CEP128: variants seen among roughly 807,000 people sequenced by gnomAD.
CEP128 encodes centrosomal protein 128kDa.
CEP128 carries 132 observed loss-of-function variants against 156.7 expected under a neutral mutation model. That is an observed-to-expected ratio of 0.84 (90% confidence interval 0.73 to 0.97). The LOEUF (loss-of-function observed/expected upper bound fraction) is 0.97. CEP128 is among the 50% of genes least tolerant of loss of function. The pLI is 0.00. For synonymous variants in CEP128, 469 were observed against 448.9 expected (o/e 1.04, Z -0.57); for missense variants, 1,252 against 1,281.9 (o/e 0.98, Z 0.36).
At chr14:80,775,273 G>A (rs1198119386) in intron 16 of CEP128, among the ~76,000 whole-genome samples, 1 of 152,088 alleles carries the variant, frequency 6.6e-6, no homozygotes, top group African/African-American at 2.4e-5. Context: ...AAAGTTTTAC[G>A]CATAATCATT....
At chr14:80,618,289 A>G (rs1469048020) in intron 19 of CEP128, among the ~76,000 whole-genome samples, 5 of 152,234 alleles carry the variant, frequency 3.3e-5, no homozygotes, top group African/African-American at 9.6e-5. Flanking sequence ...CTATTATAAC[A>G]TAAAGAAAAC....
At chr14:80,943,674 CA>C (rs1218085027), upstream of CEP128, among the ~76,000 whole-genome samples, 1 of 152,148 alleles carries the variant, frequency 6.6e-6, no homozygotes, top group East Asian at 1.9e-4. Context: ...TGCTCTCAGT[CA>C]ACAGACGTGG....
chr14:80,710,006 C>T (rs1179654746), intron 19 of CEP128, among the ~76,000 whole-genome samples: 1 of 147,120 alleles, frequency 6.8e-6, no homozygotes, highest in Non-Finnish European at 1.5e-5. Context: ...AAAAAAAAAG[C>T]CAGCACAACA....
chr14:80,886,192 T>C (rs1411436077), intron 8 of CEP128, among the ~76,000 whole-genome samples: 3 of 152,090 alleles, frequency 2.0e-5, no homozygotes, highest in Non-Finnish European at 4.4e-5. Flanking sequence ...TGAAACCAAG[T>C]TGGGAAACAC....
chr14:80,552,246 T>G (rs1231581429), intron 21 of CEP128, among the ~76,000 whole-genome samples: 1 of 151,472 alleles, frequency 6.6e-6, no homozygotes, highest in Non-Finnish European at 1.5e-5. Flanking sequence ...GAGATGGAGG[T>G]TGCAGTGAGC....
chr14:80,769,582 G>T (rs188118252), intron 16 of CEP128, among the ~76,000 whole-genome samples: 1 of 152,098 alleles, frequency 6.6e-6, no homozygotes, highest in African/African-American at 2.4e-5. Flanking sequence ...CAAAGGACAT[G>T]AACTCATCCT....
chr14:80,948,969 A>G (rs1468465151), intron 2 of CEP128, among the ~76,000 whole-genome samples: 4 of 152,192 alleles, frequency 2.6e-5, no homozygotes, highest in African/African-American at 9.7e-5. Flanking sequence ...CCTACATTAT[A>G]ATTGCCACTA....
chr14:80,623,372 A>G (rs922559791), intron 19 of CEP128, among the ~76,000 whole-genome samples: 2 of 151,556 alleles, frequency 1.3e-5, no homozygotes, highest in Non-Finnish European at 2.9e-5. Context: ...TGACGAGTTA[A>G]TGGGTGCAGC....
chr14:80,494,103 T>C (rs1344058661), downstream of CEP128, among the ~76,000 whole-genome samples: 2 of 152,234 alleles, frequency 1.3e-5, no homozygotes, highest in African/African-American at 4.8e-5. Context: ...TAAGTTGATA[T>C]GTTTCTATTG....
intron 19 of CEP128, among the ~76,000 whole-genome samples, chr14:80,734,971 T>C (rs1898459748): frequency 6.6e-6 from 1 of 152,088 alleles, no homozygotes; most frequent in Admixed American, 6.5e-5. Flanking sequence ...CCCAAGCAGT[T>C]TCTGTGTTCC....
At chr14:80,613,494 A>G (rs1282473944) in intron 19 of CEP128, among the ~76,000 whole-genome samples, 2 of 149,842 alleles carry the variant, frequency 1.3e-5, no homozygotes, top group African/African-American at 4.9e-5. Flanking sequence ...TATTTATGGT[A>G]GAGACGGGGT....
chr14:80,526,802 C>T, intron 23 of CEP128, 67 bp downstream of exon 23: 1 of 817,226 alleles, frequency 1.2e-6, no homozygotes, highest in Non-Finnish European at 2.1e-6. Flanking sequence ...GCAGAGGCTG[C>T]TTAAGAGGTT....
upstream of CEP128, among the ~76,000 whole-genome samples, chr14:80,946,353 GAT>G (rs1886344648): frequency 2.0e-4 from 28 of 138,280 alleles, no homozygotes; most frequent in Admixed American, 1.4e-4. Context: ...GATGCATCAT[GAT>G]GATGCCTCAT....
At chr14:80,810,261 T>C (rs1412076580) in intron 13 of CEP128, among the ~76,000 whole-genome samples, 1 of 132,022 alleles carries the variant, frequency 7.6e-6, no homozygotes, top group Admixed American at 9.4e-5. Context: ...AGGCGGAGCT[T>C]GCAGCGAGCC....
chr14:80,658,494 G>C (rs1001925818), intron 19 of CEP128, among the ~76,000 whole-genome samples: 5 of 152,162 alleles, frequency 3.3e-5, no homozygotes, highest in African/African-American at 1.2e-4. Flanking sequence ...TCTTTTAAGA[G>C]ACTCAGTATA....
intron 19 of CEP128, among the ~76,000 whole-genome samples, chr14:80,653,393 G>A (rs1272895694): frequency 1.3e-5 from 2 of 151,962 alleles, no homozygotes; most frequent in African/African-American, 4.8e-5. Flanking sequence ...GAAAAGAAGT[G>A]GTCTCTATAA....
intron 8 of CEP128, among the ~76,000 whole-genome samples, chr14:80,876,597 C>CAAAAAAAAAAAAAAACAAAAAAAA (rs11419599): frequency 7.4e-6 from 1 of 136,002 alleles, no homozygotes. Flanking sequence ...ACTCCCATTT[C>CAAAAAAAAAAAAAAACAAAAAAAA]AAAAAAAAAA....
intron 21 of CEP128, among the ~76,000 whole-genome samples, chr14:80,553,213 C>T (rs879942441): frequency 2.8e-4 from 43 of 152,058 alleles, no homozygotes; most frequent in Non-Finnish European, 4.1e-4. Context: ...GCCCCACATG[C>T]ATTAGATATT....
intron 2 of CEP128, among the ~76,000 whole-genome samples, chr14:80,933,271 A>G (rs1885581885): frequency 6.6e-6 from 1 of 152,150 alleles, no homozygotes; most frequent in South Asian, 2.1e-4. Context: ...TGGATCAGCT[A>G]TGGCCCCAGT....
Sources: allele counts gnomAD v4.1 joint callset (sites outside exome capture counted in the v4.1 genomes callset), GRCh38; gene constraint gnomAD v4.1.1; transcripts MANE v1.5; gene names NCBI Gene and HGNC (gene_info 2026-07-23, HGNC 2026-07-21).